TSPAN33: variants seen among roughly 807,000 people sequenced by gnomAD.
The protein encoded by TSPAN33 is tetraspanin-33.
TSPAN33 carries 27 observed loss-of-function variants against 34.8 expected under a neutral mutation model. The observed-to-expected ratio is 0.78, with a 90% confidence interval of 0.57 to 1.07. The LOEUF is 1.07. Among genes scored for constraint, TSPAN33 ranks in the 50% least tolerant of loss-of-function variants. TSPAN33 has a pLI of 0.00. For missense variants in TSPAN33, 272 were observed against 324.9 expected (o/e 0.84, Z 1.25); for synonymous variants, 119 against 124.2 (o/e 0.96, Z 0.28).
rs1793184286 is a variant in TSPAN33 at position 129,168,873 on chromosome 7, G to A, written c.*999G>A. ...GAATTTTCCATTCTGGCAACTGGAA[G>A]GGGAGGTGTAGAAGGGCCCTGCAGA... On this transcript the variant is annotated 3_prime_UTR_variant, in exon 8 of 8. Coordinates refer to ENST00000486685, the MANE Select transcript of TSPAN33 (RefSeq NM_178562.5). 6.7e-6 allele frequency: 1 copy of A among 150,154 alleles called. No individual in the cohort carries two copies. Among genetic ancestry groups the A allele is most frequent in the Non-Finnish European group, 1.5e-5 (1 of 67,480 alleles). The allele number at this position is 150,154 out of a possible 1,614,324, so 9.3% of individuals were successfully genotyped here.
At chr7:129,164,369 C>A in intron 4 of TSPAN33, 105 bp from the exon 5 acceptor site, 2 of 1,026,612 alleles carry the variant, frequency 1.9e-6, no homozygotes, top group South Asian at 1.3e-5. Context: ...GATTTCAAGG[C>A]AGACTCAGTT....
At chr7:129,149,795 C>A (rs182687845) in intron 1 of TSPAN33, among the ~76,000 whole-genome samples, 3 of 152,356 alleles carry the variant, frequency 2.0e-5, no homozygotes, top group Non-Finnish European at 4.4e-5. Context: ...TCCAGGGGGA[C>A]AGTGTCCCCC....
intron 6 of TSPAN33, 87 bp downstream of exon 6, chr7:129,166,993 C>G: frequency 6.8e-7 from 1 of 1,475,814 alleles, no homozygotes. Flanking sequence ...GATCCCCATC[C>G]CCTAGCTTCA....
intron 1 of TSPAN33, among the ~76,000 whole-genome samples, chr7:129,156,393 C>T (rs73462971): frequency 0.013 from 1,977 of 152,322 alleles, 41 homozygotes; most frequent in African/African-American, 0.045. Flanking sequence ...CCACACTGTG[C>T]TCTTTGGAAG....
chr7:129,152,013 C>T (rs1810602399), intron 1 of TSPAN33, among the ~76,000 whole-genome samples: 1 of 152,020 alleles, frequency 6.6e-6, no homozygotes, highest in Non-Finnish European at 1.5e-5. Flanking sequence ...ACAAATAAAT[C>T]CAAATCGAGG....
Position 129,146,173 on chromosome 7 carries a change from G to C in TSPAN33, c.102+1091G>C, listed in dbSNP as rs569145610. On this transcript the variant is annotated intron_variant, in intron 1 of 7. Coordinates refer to ENST00000486685, the MANE Select transcript of TSPAN33 (RefSeq NM_178562.5). The stretch of plus-strand genomic sequence containing the variant: ...AATTGAGTCTAAAATATGTTTCCTA[G>C]GGGAGGGAGCAGAACAGACATCTAA... Among the ~76,000 whole-genome samples, 3 of 152,264 alleles carry C rather than the reference G, an allele frequency of 2.0e-5. No homozygotes were observed. In the East Asian group the frequency reaches 5.8e-4, roughly 29 times the overall value.
chr7:129,162,720 C>T (rs1332314957), intron 3 of TSPAN33, 113 bp from the exon 4 acceptor site: 15 of 1,429,060 alleles, frequency 1.0e-5, no homozygotes, highest in South Asian at 7.6e-5. Flanking sequence ...CTGCCTTTCT[C>T]ATGTGTGGGG....
chr7:129,163,809 A>C (rs938666503), intron 4 of TSPAN33, among the ~76,000 whole-genome samples: 5 of 152,094 alleles, frequency 3.3e-5, no homozygotes, highest in African/African-American at 1.2e-4. Flanking sequence ...CTACTAAAAA[A>C]CACCAAAAAA....
chr7:129,160,397 A>AT lies in TSPAN33; in HGVS notation c.103-1281dup, dbSNP rs999914605. On this transcript the variant is annotated intron_variant, in intron 1 of 7. Transcript: ENST00000486685. ...CCAGAGCTTGGCCCCATCTGTTGCC[A>AT]TGGCAACAGCCAGCTGCTGCTTAGC... Among the ~76,000 whole-genome samples the AT allele has an allele frequency of 1.1e-4, 16 of 152,246 alleles. No individual in the cohort carries two copies. The East Asian group carries it at 2.7e-3, about 26-fold the overall frequency.
intron 5 of TSPAN33, among the ~76,000 whole-genome samples, chr7:129,166,042 A>G (rs1793134928): frequency 6.6e-6 from 1 of 152,008 alleles, no homozygotes; most frequent in South Asian, 2.1e-4. Flanking sequence ...GTTCAAGTGA[A>G]TCTGCCTGCC....
At chr7:129,150,939 G>T (rs984722747) in intron 1 of TSPAN33, among the ~76,000 whole-genome samples, 1 of 151,534 alleles carries the variant, frequency 6.6e-6, no homozygotes, top group Admixed American at 6.6e-5. Context: ...AAATCAAAGA[G>T]AAAAGAAAAA....
intron 1 of TSPAN33, among the ~76,000 whole-genome samples, chr7:129,145,687 G>A (rs1001447617): frequency 6.6e-6 from 1 of 151,832 alleles, no homozygotes; most frequent in Admixed American, 6.6e-5. Flanking sequence ...CTGGAGCCTG[G>A]CAATCACCAG....
intron 1 of TSPAN33, among the ~76,000 whole-genome samples, chr7:129,154,330 G>A (rs981854629): frequency 6.6e-6 from 1 of 151,840 alleles, no homozygotes; most frequent in East Asian, 1.9e-4. Flanking sequence ...GTCTGTTGGT[G>A]GGGGGAAGAA....
rs1334969525 is a variant in TSPAN33, at chr7:129,167,762, G to C, written c.751-11G>C. On this transcript the variant is annotated splice_polypyrimidine_tract_variant and intron_variant, in intron 7 of 7. Transcript: ENST00000486685. This position sits in a 1 kb window ranked among gnomAD's most constrained non-coding sequence, Gnocchi z 4.6. The stretch of plus-strand genomic sequence containing the variant: ...ACTGCTGAGTGCCCAATTCCTTCTT[G>C]CCTCTCCCAGCTGGTGGGAATTCTG... 1 of 1,613,784 alleles carries C rather than the reference G, an allele frequency of 6.2e-7. No individual in the cohort carries two copies. Among genetic ancestry groups the C allele is most frequent in the Admixed American group, 1.7e-5 (1 of 59,998 alleles).
chr7:129,146,998 A>T (rs1810530327), intron 1 of TSPAN33, among the ~76,000 whole-genome samples: 1 of 147,862 alleles, frequency 6.8e-6, no homozygotes, highest in Admixed American at 6.8e-5. Flanking sequence ...CTTTTATCGG[A>T]CAAACGACTT....
At chr7:129,163,321 TTTTC>T (rs1168679846) in intron 4 of TSPAN33, among the ~76,000 whole-genome samples, 4 of 132,530 alleles carry the variant, frequency 3.0e-5, no homozygotes, top group Non-Finnish European at 4.7e-5. Context: ...TGAGGTTTAT[TTTTC>T]TTTCTTTCTT....
intron 2 of TSPAN33, 76 bp from the exon 3 acceptor site, chr7:129,162,318 T>C (rs768881962): frequency 5.4e-5 from 86 of 1,587,054 alleles, no homozygotes; most frequent in Middle Eastern, 2.2e-4. Context: ...GAGAACAGTT[T>C]GGGGCACCCT....
intron 1 of TSPAN33, among the ~76,000 whole-genome samples, chr7:129,150,248 G>T (rs534893326): frequency 6.6e-6 from 1 of 152,200 alleles, no homozygotes; most frequent in Admixed American, 6.5e-5. Context: ...ACGCCTGCTG[G>T]TGGCCCCACT....
rs35331287 is a variant in TSPAN33 at position 129,167,891 on chromosome 7, T to G, written c.*17T>G. The G allele has an allele frequency of 0.18, 284,515 of 1,611,862 alleles. 25,605 individuals carry two copies. Among genetic ancestry groups the G allele is most frequent in the Admixed American group, 0.24 (14,254 of 59,626 alleles). On this transcript the variant is annotated 3_prime_UTR_variant, in exon 8 of 8. Coordinates refer to ENST00000486685, the MANE Select transcript of TSPAN33 (RefSeq NM_178562.5). This position sits in a 1 kb window ranked among gnomAD's most constrained non-coding sequence, Gnocchi z 4.6. The stretch of plus-strand genomic sequence containing the variant: ...TGGTACTGAGAATCCATCCTGCACC[T>G]CCTCACCATGGAAACTGGCAAGCCT...
Sources: gnomAD v4.1 joint callset for allele counts (sites outside exome capture counted in the v4.1 genomes callset) on GRCh38, gnomAD v4.1.1 for gene constraint, Gnocchi (gnomAD v3.1) non-coding constraint, MANE v1.5 for transcripts, NCBI Gene and HGNC (gene_info 2026-07-23, HGNC 2026-07-21) for gene names.